Variants in HACE1 observed in about 807,000 individuals in gnomAD.
HACE1 encodes E3 ubiquitin-protein ligase HACE1.
HACE1 carries 73 observed loss-of-function variants against 118.4 expected under a neutral mutation model. The ratio of observed to expected loss-of-function variants is 0.62; its 90% CI spans 0.51 to 0.75. HACE1 has a LOEUF of 0.75. Among genes scored for constraint, HACE1 ranks in the 30% least tolerant of loss-of-function variants. The probability of loss-of-function intolerance (pLI) is 0.00; values close to 1 mark genes in which losing one functional copy is unlikely to be tolerated. For synonymous variants in HACE1, 368 were observed against 374.8 expected, an observed-to-expected ratio of 0.98 and a Z score of 0.21; for missense variants, 749 against 1,102.2, an observed-to-expected ratio of 0.68 and a Z score of 4.54.
rs1290413367 is a variant in HACE1, at chr6:104,850,922, A to G, written c.206T>C (p.Leu69Pro). 6.2e-7 allele frequency: 1 copy of G among 1,604,654 alleles called. No homozygotes were observed. Among genetic ancestry groups the G allele is most frequent in the Non-Finnish European group, 8.5e-7 (1 of 1,171,298 alleles). Residue 69 changes from leucine (L) to proline (P), a missense_variant, in exon 3 of 24, where the codon CTT (leucine) becomes CCT (proline). This residue lies in a region of HACE1 where 120 missense variants were observed against 219.1 expected (regional missense o/e 0.55). Coordinates refer to ENST00000262903, the MANE Select transcript of HACE1 (RefSeq NM_020771.4). ...YAFGRVKRSL[L>P]HIAANCGSVE... The stretch of plus-strand genomic sequence containing the variant: ...TTAGTCTTACTTTGCTGCAATGTGA[A>G]GCAAGCTTCTTTTCACACGTCCGAA...
At chr6:104,784,800 T>C (rs1303313679) in intron 12 of HACE1, among the ~76,000 whole-genome samples, 185 bp downstream of exon 12, 1 of 152,170 alleles carries the variant, frequency 6.6e-6, no homozygotes, top group Non-Finnish European at 1.5e-5. Context: ...TTCTACAAAG[T>C]AATAATATAT....
chr6:104,801,192 A>C (rs1770301754), intron 7 of HACE1, among the ~76,000 whole-genome samples: 1 of 152,198 alleles, frequency 6.6e-6, no homozygotes, highest in Non-Finnish European at 1.5e-5. Context: ...GAAATGAACA[A>C]AGCCTCCAAG....
chr6:104,791,687 T>A, intron 10 of HACE1, 33 bp from the exon 11 acceptor site: 1 of 1,357,414 alleles, frequency 7.4e-7, no homozygotes, highest in Non-Finnish European at 1.1e-6. Context: ...GAGATTAGAG[T>A]AAAACAAATT....
At chr6:104,837,544 A>G (rs937616656) in intron 5 of HACE1, among the ~76,000 whole-genome samples, 1 of 152,208 alleles carries the variant, frequency 6.6e-6, no homozygotes, top group Non-Finnish European at 1.5e-5. Context: ...AAACTTGTAG[A>G]AAAAAATATA....
intron 5 of HACE1, among the ~76,000 whole-genome samples, chr6:104,837,018 T>A (rs78582769): frequency 2.7e-4 from 41 of 152,342 alleles, no homozygotes; most frequent in African/African-American, 9.9e-4. Flanking sequence ...TGTGGAGATA[T>A]ACTGTGTTTA....
intron 5 of HACE1, among the ~76,000 whole-genome samples, chr6:104,833,737 G>A (rs536247073): frequency 2.0e-5 from 3 of 152,150 alleles, no homozygotes; most frequent in East Asian, 1.9e-4. Flanking sequence ...CTCTAATCCC[G>A]GAACTTTGGG....
chr6:104,764,833 C>G (rs754711400), intron 19 of HACE1, among the ~76,000 whole-genome samples: 1 of 152,184 alleles, frequency 6.6e-6, no homozygotes, highest in Admixed American at 6.6e-5. Context: ...ACTTGACATA[C>G]AGAATCCTTC....
chr6:104,850,309 T>C (rs1331394242), intron 3 of HACE1, among the ~76,000 whole-genome samples: 2 of 152,172 alleles, frequency 1.3e-5, no homozygotes, highest in Non-Finnish European at 1.5e-5. Flanking sequence ...ATAGTAAACA[T>C]TCTCTACTTT....
At position 104,796,962 on chromosome 6, in the gene HACE1, T is replaced by C. The variant is rs1267223490; in HGVS notation, c.681A>G (p.Lys227=). 1 of 1,601,068 alleles carries C rather than the reference T, an allele frequency of 6.2e-7. No homozygotes were observed. Among genetic ancestry groups the C allele is most frequent in the Non-Finnish European group, 8.6e-7 (1 of 1,168,204 alleles). Residue 227 remains lysine (K), a synonymous_variant, in exon 8 of 24, where the codon AAA becomes AAG. Coordinates refer to ENST00000262903, the MANE Select transcript of HACE1 (RefSeq NM_020771.4). The part of the protein sequence containing the change: ...LLRGAKYLPD[K]NGVTPLDLCV... ...ATAAATCCAGAGGAGTTACTCCATT[T>C]TTATCTGGCAGATATTTGGCTCCTC...
rs375523279 is a variant in HACE1 at position 104,785,324 on chromosome 6, G to A, written c.1075-5C>T. 5.8e-6 allele frequency: 9 copies of A among 1,541,196 alleles called. No homozygotes were observed. In the African/African-American group the frequency reaches 1.1e-4, roughly 19 times the overall value. On this transcript the variant is annotated splice_region_variant and splice_polypyrimidine_tract_variant and intron_variant, in intron 11 of 23. Coordinates refer to ENST00000262903, the MANE Select transcript of HACE1 (RefSeq NM_020771.4). ...GTGCCAAAGCAATTCCAGAGGCTGA[G>A]AGAAACAAAAGTGTTTTTTAAACAT...
chr6:104,797,890 G>A (rs1769852895), intron 7 of HACE1, among the ~76,000 whole-genome samples: 1 of 151,982 alleles, frequency 6.6e-6, no homozygotes, highest in Non-Finnish European at 1.5e-5. Flanking sequence ...CCAACATGGT[G>A]AAACCCTGTC....
intron 19 of HACE1, among the ~76,000 whole-genome samples, chr6:104,758,174 T>A (rs1213623168): frequency 6.6e-6 from 1 of 152,012 alleles, no homozygotes. Flanking sequence ...GAGGCCAACA[T>A]TCAAATTCAG....
At chr6:104,740,998 G>A (rs1453303465) in intron 22 of HACE1, among the ~76,000 whole-genome samples, 1 of 132,090 alleles carries the variant, frequency 7.6e-6, no homozygotes, top group East Asian at 2.1e-4. Flanking sequence ...ATGCAAGGCT[G>A]GTTCAATATA....
chr6:104,850,141 G>A (rs1776056846), intron 3 of HACE1, among the ~76,000 whole-genome samples: 1 of 151,960 alleles, frequency 6.6e-6, no homozygotes, highest in Admixed American at 6.6e-5. Flanking sequence ...GTAGAGATGG[G>A]GTTTCACCAT....
In HACE1 at chr6:104,797,892, A is replaced by C. The variant is rs560626904; in HGVS notation, c.618-867T>G. 3.3e-5 allele frequency among the ~76,000 whole-genome samples: 5 copies of C among 152,118 alleles called. No homozygotes were observed. The East Asian group carries it at 9.7e-4, about 29-fold the overall frequency. ...CAGACCAGCCTGGCCAACATGGTGAAACCCTGTCTCTATTAAAAATACAAA... is the reference window on the plus strand; with the variant it reads ...CAGACCAGCCTGGCCAACATGGTGACACCCTGTCTCTATTAAAAATACAAA... On this transcript the variant is annotated intron_variant, in intron 7 of 23. Coordinates refer to ENST00000262903, the MANE Select transcript of HACE1 (RefSeq NM_020771.4).
intron 19 of HACE1, among the ~76,000 whole-genome samples, chr6:104,759,093 A>G (rs931181080): frequency 6.6e-6 from 1 of 152,180 alleles, no homozygotes; most frequent in Non-Finnish European, 1.5e-5. Flanking sequence ...ACTCCCACAC[A>G]ATAATGGGAG....
chr6:104,829,845 G>A (rs1176149561), intron 6 of HACE1, among the ~76,000 whole-genome samples: 1 of 152,136 alleles, frequency 6.6e-6, no homozygotes, highest in Admixed American at 6.5e-5. Flanking sequence ...AAAGGCATCT[G>A]ACTATGAGGA....
At position 104,843,294 on chromosome 6, in the gene HACE1, T is replaced by G. The variant is rs768595012; in HGVS notation, c.331A>C (p.Lys111Gln). 6.7e-7 allele frequency: 1 copy of G among 1,488,438 alleles called. No homozygotes were observed. The highest frequency in any genetic ancestry group is 9.4e-7 in the Non-Finnish European group (1 of 1,065,714). 92.2% of individuals were successfully genotyped at this position (1,488,438 alleles called of 1,614,324 possible). A position where few individuals can be genotyped will look rare whatever the true frequency, so the allele number is the denominator to read the frequency against. ...PLHLAARNGQ[K>Q]KCMSKLLEYS... ...TCTAATAATTTACTCATACATTTCTTCTGCCTGAAAAGAAAAAAGAGTCAT... is the reference window on the plus strand; with the variant it reads ...TCTAATAATTTACTCATACATTTCTGCTGCCTGAAAAGAAAAAAGAGTCAT... The change falls in exon 5 of 24, where the codon AAG (lysine) becomes CAG (glutamine). Residue 111 changes from lysine (K) to glutamine (Q), a missense_variant. Coordinates refer to ENST00000262903, the MANE Select transcript of HACE1 (RefSeq NM_020771.4).
At chr6:104,760,554 A>T (rs959048932) in intron 19 of HACE1, among the ~76,000 whole-genome samples, 1 of 152,194 alleles carries the variant, frequency 6.6e-6, no homozygotes, top group Non-Finnish European at 1.5e-5. Context: ...TCAAAGTAAT[A>T]AGAGCTATTT....
Sources: gnomAD v4.1 joint callset for allele counts (sites outside exome capture counted in the v4.1 genomes callset) on GRCh38, gnomAD v4.1.1 for gene constraint, gnomAD v4.1.1 regional missense constraint, MANE v1.5 for transcripts, NCBI Gene and HGNC (gene_info 2026-07-23, HGNC 2026-07-21) for gene names.